The following ARHGEF11 variants were observed in gnomAD, a reference collection of about 807,000 sequenced individuals.
ARHGEF11 encodes the protein Rho guanine exchange factor (GEF) 11.
ARHGEF11 carries 55 observed loss-of-function variants against 193.7 expected under a neutral mutation model. That is an observed-to-expected ratio of 0.28 (90% CI 0.23 to 0.36). The LOEUF (loss-of-function observed/expected upper bound fraction) is 0.36, where lower values mean the gene tolerates loss of function less well. Ranked by LOEUF, ARHGEF11 falls within the 10% of genes least tolerant of loss-of-function variation. ARHGEF11 has a pLI of 1.00. For synonymous variants in ARHGEF11, 693 were observed against 768.0 expected (o/e 0.90, Z 1.62); for missense variants, 1,723 against 2,005.6 (o/e 0.86, Z 2.69).
chr1:156,987,306 C>T (rs1490346611), intron 1 of ARHGEF11, among the ~76,000 whole-genome samples: 1 of 152,074 alleles, frequency 6.6e-6, no homozygotes, highest in Non-Finnish European at 1.5e-5. Flanking sequence ...TACAGTAATA[C>T]AATGACACAG....
rs560071651 is a variant in ARHGEF11 at position 156,962,873 on chromosome 1, C to T, written c.1140+330G>A. ...CAGCCTCGGCGACAGTGCGAGACTC[C>T]GTCTCAAAAAAAAAAAAAAAAAAAA... On this transcript the variant is annotated intron_variant, in intron 13 of 40. Coordinates refer to ENST00000368194, the MANE Select transcript of ARHGEF11 (RefSeq NM_198236.3). Among the ~76,000 whole-genome samples, 22 of 113,448 alleles carry T rather than the reference C, an allele frequency of 1.9e-4. No individual in the cohort carries two copies. In the East Asian group the frequency reaches 4.9e-3, roughly 25 times the overall value. 74.4% of individuals were successfully genotyped at this position (113,448 alleles called of 152,430 possible). A position where few individuals can be genotyped will look rare whatever the true frequency, so the allele number is the denominator to read the frequency against.
intron 4 of ARHGEF11, among the ~76,000 whole-genome samples, chr1:156,980,136 G>C (rs1663911562): frequency 6.6e-6 from 1 of 152,222 alleles, no homozygotes; most frequent in African/African-American, 2.4e-5. Flanking sequence ...TCCTTCACTA[G>C]TTACTAACCC....
chr1:157,013,531 T>A (rs1376005634), intron 1 of ARHGEF11, among the ~76,000 whole-genome samples: 1 of 152,070 alleles, frequency 6.6e-6, no homozygotes, highest in Non-Finnish European at 1.5e-5. Context: ...TGGCCCCTAC[T>A]TTACTTGGTA....
intron 1 of ARHGEF11, among the ~76,000 whole-genome samples, chr1:157,009,313 T>C (rs1429255094): frequency 6.6e-6 from 1 of 152,192 alleles, no homozygotes; most frequent in Non-Finnish European, 1.5e-5. Context: ...TATCAACAGT[T>C]AACAACTATT....
chr1:156,989,451 G>T (rs1665407164), intron 1 of ARHGEF11, among the ~76,000 whole-genome samples: 1 of 152,038 alleles, frequency 6.6e-6, no homozygotes, highest in South Asian at 2.1e-4. Context: ...CTCTCATCAA[G>T]AACTTATCAT....
chr1:157,000,456 A>G (rs1667081423), intron 1 of ARHGEF11, among the ~76,000 whole-genome samples: 1 of 152,248 alleles, frequency 6.6e-6, no homozygotes, highest in Non-Finnish European at 1.5e-5. Flanking sequence ...ATTGGCACAA[A>G]TAAAGGACCA....
Position 156,956,545 on chromosome 1 carries a change from G to A in ARHGEF11, c.1546C>T (p.Leu516Phe). The stretch of plus-strand genomic sequence containing the variant: ...CCAGCATGGCTCATGTAGGTATTGA[G>A]GGCGAAGTCCATGGGGGCGCTGTAA... The part of the protein sequence containing the change: ...EDRSAPMDFA[L>F]NTYMSHAGIR... The change falls in exon 19 of 41, where the codon CTC becomes TTC. Residue 516 changes from leucine to phenylalanine, a missense_variant. Physicochemically the swap from Leu to Phe is conservative, Grantham distance 22. This residue lies in a region of ARHGEF11 where 646 missense variants were observed against 710.7 expected (regional missense o/e 0.91). Coordinates refer to ENST00000368194, the MANE Select transcript of ARHGEF11 (RefSeq NM_198236.3). 6.2e-7 allele frequency: 1 copy of A among 1,614,184 alleles called. No homozygotes were observed. Among genetic ancestry groups the A allele is most frequent in the Non-Finnish European group, 8.5e-7 (1 of 1,180,032 alleles).
At chr1:156,962,601 G>A (rs1161720777) in intron 13 of ARHGEF11, among the ~76,000 whole-genome samples, 1 of 152,054 alleles carries the variant, frequency 6.6e-6, no homozygotes, top group Non-Finnish European at 1.5e-5. Context: ...GGAAGAGGCC[G>A]GGCGTGGTGG....
Position 156,962,906 on chromosome 1 carries a change from A to AAAC in ARHGEF11, c.1140+294_1140+296dup, listed in dbSNP as rs1661157864. Among the ~76,000 whole-genome samples, 3 of 150,988 alleles carry AAAC rather than the reference A, an allele frequency of 2.0e-5. 1 individual carries two copies. In the South Asian group the frequency reaches 6.4e-4, roughly 32 times the overall value. ...AAAAAAAAAAAAAAAAAAAAAAAAA[A>AAAC]AACTCTAGGAAGAGCAACTTCTCCA... is the stretch of plus-strand genomic sequence containing the variant. On this transcript the variant is annotated intron_variant, in intron 13 of 40. Coordinates refer to ENST00000368194, the MANE Select transcript of ARHGEF11 (RefSeq NM_198236.3).
intron 1 of ARHGEF11, among the ~76,000 whole-genome samples, chr1:157,003,104 A>G (rs557619427): frequency 1.1e-3 from 162 of 152,356 alleles, no homozygotes; most frequent in African/African-American, 3.6e-3. Flanking sequence ...TATGTATTAC[A>G]TTTAATCCTC....
chr1:156,957,313 A>G (rs189150438), intron 18 of ARHGEF11, among the ~76,000 whole-genome samples: 1 of 152,296 alleles, frequency 6.6e-6, no homozygotes, highest in East Asian at 1.9e-4. Flanking sequence ...GCTAATGAAA[A>G]ACAATGAGAT....
chr1:156,940,984 C>T (rs1656752813), intron 35 of ARHGEF11, among the ~76,000 whole-genome samples: 1 of 152,176 alleles, frequency 6.6e-6, no homozygotes. Flanking sequence ...GCATCTTAAG[C>T]CCTTTGAGCT....
chr1:156,975,583 G>C (rs79308547), intron 7 of ARHGEF11, among the ~76,000 whole-genome samples: 1 of 152,142 alleles, frequency 6.6e-6, no homozygotes, highest in East Asian at 1.9e-4. Context: ...TTTTTGGGGG[G>C]AGGTTATGCT....
intron 17 of ARHGEF11, 39 bp downstream of exon 17, chr1:156,958,703 A>G (rs758207207): frequency 6.8e-6 from 11 of 1,613,348 alleles, no homozygotes; most frequent in Non-Finnish European, 7.6e-6. Context: ...CAACCTGCTT[A>G]GGATGTTCAG....
intron 7 of ARHGEF11, among the ~76,000 whole-genome samples, chr1:156,975,658 AT>A (rs1663158259): frequency 1.3e-5 from 2 of 152,068 alleles, no homozygotes; most frequent in African/African-American, 4.8e-5. Context: ...CCCACCTAAA[AT>A]TTTTTCTAGG....
chr1:156,962,834 G>A (rs184228947), intron 13 of ARHGEF11, among the ~76,000 whole-genome samples: 131 of 136,378 alleles, frequency 9.6e-4, no homozygotes, highest in African/African-American at 3.6e-3. Flanking sequence ...AGCTGAGATC[G>A]CGCCACTGCA....
In ARHGEF11 at chr1:156,948,789, CAG is replaced by C; in HGVS notation, c.1926-293_1926-292del. The C allele has an allele frequency of 1.0e-6, 1 of 985,434 alleles. No homozygotes were observed. The highest frequency in any genetic ancestry group is 1.2e-6 in the Non-Finnish European group (1 of 829,936). 61.0% of individuals were successfully genotyped at this position (985,434 alleles called of 1,614,324 possible). On this transcript the variant is annotated intron_variant, in intron 22 of 40. Transcript: ENST00000368194. This position sits in a 1 kb window ranked among gnomAD's most constrained non-coding sequence, Gnocchi z 4.2. ...ACAGGAAGATGAAATCTGGGGCTAA[CAG>C]ACTCTGAGTTGTAGTGTGTCCAGAG...
rs1042962326 is a variant in ARHGEF11 at position 156,959,146 on chromosome 1, T to C, written c.1283-4A>G. 5 of 1,613,448 alleles carry C rather than the reference T, an allele frequency of 3.1e-6. No homozygotes were observed. The Admixed American group carries it at 6.7e-5, about 22-fold the overall frequency. On this transcript the variant is annotated splice_region_variant and splice_polypyrimidine_tract_variant and intron_variant, in intron 15 of 40. Coordinates refer to ENST00000368194, the MANE Select transcript of ARHGEF11 (RefSeq NM_198236.3). ...TCGCTGTTCCGCAGGCGCGAGTCTG[T>C]AGTGGGAGATCAGAGAAAGCAGAGT... is the stretch of plus-strand genomic sequence containing the variant.
At chr1:156,989,758 T>G (rs1054328134) in intron 1 of ARHGEF11, among the ~76,000 whole-genome samples, 1 of 152,204 alleles carries the variant, frequency 6.6e-6, no homozygotes, top group Non-Finnish European at 1.5e-5. Flanking sequence ...CAACATTTTA[T>G]TTTGAAAAAG....
Sources: gnomAD v4.1 joint callset for allele counts (sites outside exome capture counted in the v4.1 genomes callset) on GRCh38, gnomAD v4.1.1 for gene constraint, gnomAD v4.1.1 regional missense constraint, Gnocchi (gnomAD v3.1) non-coding constraint, MANE v1.5 for transcripts, NCBI Gene and HGNC (gene_info 2026-07-23, HGNC 2026-07-21) for gene names.